Variants in ATXN1 observed in about 807,000 individuals in gnomAD.
The protein encoded by ATXN1 is ataxin 1, also known as ataxin-1.
ATXN1 carries 8 observed loss-of-function variants against 56.4 expected under a neutral mutation model. That is an observed-to-expected ratio of 0.14 (90% CI 0.08 to 0.26). The LOEUF (loss-of-function observed/expected upper bound fraction) is 0.26, where lower values mean the gene tolerates loss of function less well. Among genes scored for constraint, ATXN1 ranks in the 10% least tolerant of loss-of-function variants. The pLI is 1.00. For missense variants in ATXN1, 987 were observed against 1,106.5 expected (o/e 0.89, Z 1.53); for synonymous variants, 514 against 494.6 (o/e 1.04, Z -0.52).
At chr6:16,545,919 T>G (rs1761806648) in intron 4 of ATXN1, among the ~76,000 whole-genome samples, 1 of 152,254 alleles carries the variant, frequency 6.6e-6, no homozygotes, top group African/African-American at 2.4e-5. Context: ...GAGCAGCTTT[T>G]GAATTTATTA....
intron 6 of ATXN1, among the ~76,000 whole-genome samples, chr6:16,480,958 G>C (rs1760425903): frequency 6.6e-6 from 1 of 152,136 alleles, no homozygotes; most frequent in Non-Finnish European, 1.5e-5. Flanking sequence ...CTCCTGCAAA[G>C]ACCCTGCCAA....
At chr6:16,530,607 T>C (rs1581825007) in intron 4 of ATXN1, among the ~76,000 whole-genome samples, 1 of 151,840 alleles carries the variant, frequency 6.6e-6, no homozygotes, top group African/African-American at 2.4e-5. Flanking sequence ...TACTGGAGGG[T>C]GGAGGTGGGA....
chr6:16,537,107 G>A (rs996479073), intron 4 of ATXN1, among the ~76,000 whole-genome samples: 4 of 149,902 alleles, frequency 2.7e-5, no homozygotes, highest in East Asian at 2.0e-4. Flanking sequence ...TAAGGAAAAC[G>A]TACCTCTTGT....
chr6:16,602,587 G>A (rs1470897188), intron 3 of ATXN1, among the ~76,000 whole-genome samples: 1 of 152,064 alleles, frequency 6.6e-6, no homozygotes, highest in East Asian at 1.9e-4. Flanking sequence ...AAGTAGCTGG[G>A]ACTACAGGCG....
intron 3 of ATXN1, among the ~76,000 whole-genome samples, chr6:16,634,823 G>A (rs1290574186): frequency 2.0e-5 from 3 of 152,112 alleles, no homozygotes; most frequent in Non-Finnish European, 4.4e-5. Context: ...CATATTTCAT[G>A]AGTGCAGAGT....
chr6:16,391,161 C>CAAA (rs35472967), intron 6 of ATXN1, among the ~76,000 whole-genome samples: 583 of 56,316 alleles, frequency 0.01, 14 homozygotes, highest in African/African-American at 0.033. Context: ...GACTCCATCT[C>CAAA]AAAAAAAAAA....
chr6:16,404,144 G>A (rs903513948), intron 6 of ATXN1, among the ~76,000 whole-genome samples: 1 of 152,106 alleles, frequency 6.6e-6, no homozygotes, highest in Non-Finnish European at 1.5e-5. Flanking sequence ...GGGGCAGGAG[G>A]TGGGGGGAGC....
intron 6 of ATXN1, among the ~76,000 whole-genome samples, chr6:16,331,678 C>T (rs957580866): frequency 1.3e-4 from 20 of 152,180 alleles, no homozygotes; most frequent in Non-Finnish European, 1.5e-4. Context: ...GAAAAAGCAG[C>T]GGCATAAAAG....
In ATXN1 at chr6:16,326,604, C is replaced by T. The variant is rs575313617; in HGVS notation, c.1707G>A (p.Thr569=). ...SVASPAAAPP[T]LPPYFMKGSI... is the part of the protein sequence containing the mutation. Reference sequence around the variant, plus strand: ...AGCCTTTCATGAAGTAGGGAGGCAGCGTAGGGGGAGCCGCCGCCGGGGAGG... The same window carrying T: ...AGCCTTTCATGAAGTAGGGAGGCAGTGTAGGGGGAGCCGCCGCCGGGGAGG... The change falls in exon 7 of 8, where the codon ACG becomes ACA. Residue 569 remains threonine (T), a synonymous_variant. Coordinates refer to ENST00000436367, the MANE Select transcript of ATXN1 (RefSeq NM_001128164.2). The surrounding 1 kb of genome is among the most constrained non-coding windows in gnomAD (Gnocchi z 6.6). 30 of 1,614,022 alleles carry T rather than the reference C, an allele frequency of 1.9e-5. No homozygotes were observed. Among genetic ancestry groups the T allele is most frequent in the Non-Finnish European group, 2.1e-5 (25 of 1,180,030 alleles).
chr6:16,545,014 T>C (rs958039520), intron 4 of ATXN1, among the ~76,000 whole-genome samples: 6 of 152,122 alleles, frequency 3.9e-5, no homozygotes, highest in African/African-American at 1.4e-4. Flanking sequence ...CAGGTCCAGG[T>C]ATGTAGAGAC....
intron 5 of ATXN1, among the ~76,000 whole-genome samples, chr6:16,493,335 G>A (rs1018364505): frequency 4.6e-5 from 7 of 151,732 alleles, no homozygotes; most frequent in Admixed American, 6.6e-5. Flanking sequence ...CTGAGAGCCC[G>A]CATTTCTACT....
chr6:16,677,876 T>C (rs1455925217), intron 2 of ATXN1, among the ~76,000 whole-genome samples: 1 of 152,228 alleles, frequency 6.6e-6, no homozygotes, highest in East Asian at 1.9e-4. Flanking sequence ...ATATTTACAG[T>C]GCACTTGAAA....
chr6:16,444,054 T>C (rs918313787), intron 6 of ATXN1, among the ~76,000 whole-genome samples: 1 of 151,042 alleles, frequency 6.6e-6, no homozygotes, highest in Non-Finnish European at 1.5e-5. Context: ...AGGTGGAGCT[T>C]GCAGTGAGCC....
chr6:16,323,669 G>A (rs183822022), intron 7 of ATXN1, among the ~76,000 whole-genome samples: 55 of 151,638 alleles, frequency 3.6e-4, no homozygotes, highest in African/African-American at 1.3e-3. Context: ...GGAACCAGTC[G>A]CATTTCTAAA....
intron 6 of ATXN1, among the ~76,000 whole-genome samples, chr6:16,414,712 C>G (rs1488644249): frequency 6.6e-6 from 1 of 152,194 alleles, no homozygotes; most frequent in African/African-American, 2.4e-5. Context: ...GTTTATCTAT[C>G]CGAATGCAGT....
chr6:16,631,572 T>C (rs9477190), intron 3 of ATXN1, among the ~76,000 whole-genome samples: 3,135 of 152,208 alleles, frequency 0.021, 117 homozygotes, highest in African/African-American at 0.072. Flanking sequence ...GCCCCAGAAG[T>C]CTCACTGAAA....
chr6:16,581,012 C>CT, intron 4 of ATXN1, among the ~76,000 whole-genome samples: 1 of 151,940 alleles, frequency 6.6e-6, no homozygotes. Flanking sequence ...ACATTTCAAC[C>CT]TTTTTCATTT....
At chr6:16,370,056 T>G (rs1276378662) in intron 6 of ATXN1, among the ~76,000 whole-genome samples, 2 of 152,188 alleles carry the variant, frequency 1.3e-5, no homozygotes, top group East Asian at 3.8e-4. Flanking sequence ...GGTAATAATG[T>G]GGTGACTGTC....
chr6:16,677,139 T>C (rs1487868612), intron 2 of ATXN1, among the ~76,000 whole-genome samples: 2 of 148,780 alleles, frequency 1.3e-5, no homozygotes, highest in African/African-American at 5.2e-5. Flanking sequence ...CCAACCTGAG[T>C]CAGGGAGACA....
Sources: allele counts gnomAD v4.1 joint callset (sites outside exome capture counted in the v4.1 genomes callset), GRCh38; gene constraint gnomAD v4.1.1; non-coding constraint Gnocchi (gnomAD v3.1); transcripts MANE v1.5; gene names NCBI Gene and HGNC (gene_info 2026-07-23, HGNC 2026-07-21).